The following RPL38 variants were observed in gnomAD, a reference collection of about 807,000 sequenced individuals.
RPL38 encodes the protein ribosomal protein L38, also known as large ribosomal subunit protein eL38.
In RPL38, 2 loss-of-function variants were observed where a neutral mutation model predicts 12.8. That is an observed-to-expected ratio of 0.16 (90% CI 0.06 to 0.49). The LOEUF (loss-of-function observed/expected upper bound fraction) is 0.49. RPL38 is among the 20% of genes least tolerant of loss of function. The probability of loss-of-function intolerance (pLI) is 0.96; values close to 1 mark genes in which losing one functional copy is unlikely to be tolerated. For synonymous variants in RPL38, 42 were observed against 30.1 expected, an observed-to-expected ratio of 1.39 and a Z score of -1.29; for missense variants, 52 against 79.8, an observed-to-expected ratio of 0.65 and a Z score of 1.33.
chr17:74,209,491 G>C, intron 4 of RPL38, 182 bp downstream of exon 4: 3 of 722,528 alleles, frequency 4.2e-6, no homozygotes, highest in Non-Finnish European at 6.8e-6. Flanking sequence ...TACAGTACCA[G>C]AAATCATTTC....
chr17:74,203,686 T>G lies in RPL38; in HGVS notation c.-98T>G. 2.0e-6 allele frequency: 1 copy of G among 508,310 alleles called. No individual in the cohort carries two copies. Among genetic ancestry groups the G allele is most frequent in the Admixed American group, 3.6e-5 (1 of 28,114 alleles). 31.5% of individuals were successfully genotyped at this position (508,310 alleles called of 1,614,324 possible). On this transcript the variant is annotated 5_prime_UTR_variant, in exon 1 of 5. Transcript: ENST00000311111. ...GAAACGGAAGTCTCGTTCTTTTTCG[T>G]CCTTTTCCCCGGTTGCTGCTTGCTG... is the stretch of plus-strand genomic sequence containing the variant.
At position 74,209,873 on chromosome 17, in the gene RPL38, A is replaced by C. The variant is rs200315350; in HGVS notation, c.*44A>C. 4.6e-6 allele frequency: 7 copies of C among 1,529,510 alleles called. No individual in the cohort carries two copies. The highest frequency in any genetic ancestry group is 3.4e-4 in the Middle Eastern group (2 of 5,924). The allele number at this position is 1,529,510 out of a possible 1,614,324, so 94.7% of individuals were successfully genotyped here. A position where few individuals can be genotyped will look rare whatever the true frequency, so the allele number is the denominator to read the frequency against. ...AACTGTATTATATTAAAATACTAAA[A>C]ATCCTAAGTGTCTTTCGTCTTTGCG... is the stretch of plus-strand genomic sequence containing the variant. On this transcript the variant is annotated 3_prime_UTR_variant, in exon 5 of 5. Coordinates refer to ENST00000311111, the MANE Select transcript of RPL38 (RefSeq NM_000999.4).
intron 4 of RPL38, chr17:74,209,518 G>T: frequency 1.5e-6 from 1 of 675,046 alleles, no homozygotes; most frequent in Non-Finnish European, 2.5e-6. Flanking sequence ...CAGAAGAGCG[G>T]TTAGAGCTCA....
intron 1 of RPL38, 24 bp from the exon 2 acceptor site, chr17:74,203,894 A>G: frequency 6.4e-7 from 1 of 1,560,048 alleles, no homozygotes; most frequent in South Asian, 1.2e-5. Context: ...GCGCCGTGTT[A>G]ACGCCGAGGA....
intron 4 of RPL38, 73 bp from the exon 5 acceptor site, chr17:74,209,731 T>G: frequency 7.5e-7 from 1 of 1,326,034 alleles, no homozygotes; most frequent in Middle Eastern, 2.3e-4. Context: ...TTAGCTTAAG[T>G]ACAAAATTTA....
At position 74,209,989 on chromosome 17, in the gene RPL38, T is replaced by A. The variant is rs951639057; in HGVS notation, c.*160T>A. 53 of 585,902 alleles carry A rather than the reference T, an allele frequency of 9.0e-5. No individual in the cohort carries two copies. Among genetic ancestry groups the A allele is most frequent in the Non-Finnish European group, 1.5e-4 (52 of 335,660 alleles). The allele number at this position is 585,902 out of a possible 1,614,324, so 36.3% of individuals were successfully genotyped here. A position where few individuals can be genotyped will look rare whatever the true frequency, so the allele number is the denominator to read the frequency against. On this transcript the variant is annotated 3_prime_UTR_variant, in exon 5 of 5. Coordinates refer to ENST00000311111, the MANE Select transcript of RPL38 (RefSeq NM_000999.4). Reference sequence around the variant, plus strand: ...CTGCCTTCCTGTGTCTTTTTTTTTTTTTTTTTTTCTTTCTTTGAGACGGAG... The same window carrying A: ...CTGCCTTCCTGTGTCTTTTTTTTTTATTTTTTTTCTTTCTTTGAGACGGAG...
intron 3 of RPL38, chr17:74,206,414 A>G (rs1185817238): frequency 6.6e-6 from 1 of 152,230 alleles, no homozygotes; most frequent in South Asian, 2.1e-4. Flanking sequence ...GGGCTGGGCA[A>G]CAAAGCATAA....
intron 2 of RPL38, 42 bp from the exon 3 acceptor site, chr17:74,204,088 T>C: frequency 6.2e-7 from 1 of 1,612,950 alleles, no homozygotes; most frequent in Non-Finnish European, 8.5e-7. Context: ...CCGGGAGACG[T>C]GTCTCTTTCC....
At chr17:74,204,094 T>C (rs757968818) in intron 2 of RPL38, 36 bp from the exon 3 acceptor site, 1 of 1,613,654 alleles carries the variant, frequency 6.2e-7, no homozygotes, top group Non-Finnish European at 8.5e-7. Flanking sequence ...GACGTGTCTC[T>C]TTCCTCTCTG....
intron 3 of RPL38, among the ~76,000 whole-genome samples, chr17:74,208,044 G>A (rs1197858623): frequency 6.6e-6 from 1 of 152,166 alleles, no homozygotes; most frequent in Admixed American, 6.5e-5. Flanking sequence ...TTGCCGAATT[G>A]CTAGGACAAG....
chr17:74,207,385 T>G lies in RPL38; in HGVS notation c.65-1802T>G, dbSNP rs543166808. On this transcript the variant is annotated intron_variant, in intron 3 of 4. Coordinates refer to ENST00000311111, the MANE Select transcript of RPL38 (RefSeq NM_000999.4). ...TATTCGTCTATTGATGGACATTGGG[T>G]TGCTTCTACATTTTCGCTAGTGTGA... Among the ~76,000 whole-genome samples the G allele has an allele frequency of 6.6e-5, 10 of 152,324 alleles. No individual in the cohort carries two copies. In the South Asian group the frequency reaches 2.1e-3, roughly 32 times the overall value.
At chr17:74,204,086 C>G (rs902207061) in intron 2 of RPL38, 44 bp from the exon 3 acceptor site, 1 of 1,611,994 alleles carries the variant, frequency 6.2e-7, no homozygotes, top group Non-Finnish European at 8.5e-7. Context: ...CGCCGGGAGA[C>G]GTGTCTCTTT....
intron 3 of RPL38, among the ~76,000 whole-genome samples, 178 bp from the exon 4 acceptor site, chr17:74,209,009 A>G (rs2050140664): frequency 6.6e-6 from 1 of 152,122 alleles, no homozygotes; most frequent in African/African-American, 2.4e-5. Flanking sequence ...CAGTGTACCC[A>G]ATAAAAGTCC....
rs1161718827 is a variant in RPL38, at chr17:74,203,954, C to G, written c.-2C>G. 1 of 1,609,784 alleles carries G rather than the reference C, an allele frequency of 6.2e-7. No homozygotes were observed. Among genetic ancestry groups the G allele is most frequent in the South Asian group, 1.1e-5 (1 of 90,844 alleles). On this transcript the variant is annotated 5_prime_UTR_variant, in exon 2 of 5. Coordinates refer to ENST00000311111, the MANE Select transcript of RPL38 (RefSeq NM_000999.4). ...CGCCAGAGCCCAGCGCGCCTCGTCG[C>G]CATGGTGAGTACAGTCCCTGCCTGG...
chr17:74,206,929 G>A lies in RPL38; in HGVS notation c.65-2258G>A, dbSNP rs527884209. ...GACGGGGTTTCACCGAGTGAGCCAG[G>A]ATGGTCTCTATCTCCTGACCTCATG... is the stretch of plus-strand genomic sequence containing the variant. On this transcript the variant is annotated intron_variant, in intron 3 of 4. Transcript: ENST00000311111. Among the ~76,000 whole-genome samples, 87 of 151,578 alleles carry A rather than the reference G, an allele frequency of 5.7e-4. 3 individuals are homozygous for A. In the South Asian group the frequency reaches 0.017, roughly 30 times the overall value.
intron 3 of RPL38, among the ~76,000 whole-genome samples, chr17:74,207,563 G>T (rs2050126821): frequency 6.7e-6 from 1 of 150,206 alleles, no homozygotes; most frequent in Non-Finnish European, 1.5e-5. Flanking sequence ...TTTCGCTCTT[G>T]TTGCCCAGGC....
rs1475507258 is a variant in RPL38, at chr17:74,204,163, C to T, written c.37C>T (p.Leu13Phe). The change falls in exon 3 of 5, where the codon CTC becomes TTC. Residue 13 changes from leucine to phenylalanine, a missense_variant. Coordinates refer to ENST00000311111, the MANE Select transcript of RPL38 (RefSeq NM_000999.4). ...AATTGAGGAAATCAAGGACTTCCTG[C>T]TCACAGCCCGACGAAAGGATGCCAA... is the stretch of plus-strand genomic sequence containing the variant. Reference protein sequence around the residue: ...RKIEEIKDFLLTARRKDAKSV... With the variant: ...RKIEEIKDFLFTARRKDAKSV... 1.2e-6 allele frequency: 2 copies of T among 1,614,052 alleles called. No homozygotes were observed. Among genetic ancestry groups the T allele is most frequent in the Non-Finnish European group, 1.7e-6 (2 of 1,180,032 alleles).
rs2050144774 is a variant in RPL38 at position 74,209,444 on chromosome 17, T to A, written c.187+135T>A. 63 of 995,072 alleles carry A rather than the reference T, an allele frequency of 6.3e-5. 2 individuals are homozygous for A. In the South Asian group the frequency reaches 9.4e-4, roughly 15 times the overall value. The allele number at this position is 995,072 out of a possible 1,614,324, so 61.6% of individuals were successfully genotyped here. A position where few individuals can be genotyped will look rare whatever the true frequency, so the allele number is the denominator to read the frequency against. ...TGGTCTAAGAATCTGCTCTTGCTGT[T>A]GGGAGTGTGAGGAATAGTTGTGATT... On this transcript the variant is annotated intron_variant, in intron 4 of 4. Transcript: ENST00000311111.
chr17:74,209,587 A>G (rs1212528667), intron 4 of RPL38: 13 of 620,018 alleles, frequency 2.1e-5, no homozygotes, highest in Middle Eastern at 4.1e-4. Context: ...CCCATTTTTT[A>G]CAGGGGAACA....
Sources: gnomAD v4.1 joint callset for allele counts (sites outside exome capture counted in the v4.1 genomes callset) on GRCh38, gnomAD v4.1.1 for gene constraint, MANE v1.5 for transcripts, NCBI Gene and HGNC (gene_info 2026-07-23, HGNC 2026-07-21) for gene names.